WDR62: variants seen among roughly 807,000 people sequenced by gnomAD.
The protein encoded by WDR62 is WD repeat domain 62.
WDR62 carries 112 observed loss-of-function variants against 160.6 expected under a neutral mutation model. That is an observed-to-expected ratio of 0.70 (90% CI 0.60 to 0.82). The LOEUF (loss-of-function observed/expected upper bound fraction) is 0.82, where lower values mean the gene tolerates loss of function less well. WDR62 is among the 40% of genes least tolerant of loss of function. The pLI is 0.00. For missense variants in WDR62, 1,819 were observed against 1,983.8 expected (o/e 0.92, Z 1.58); for synonymous variants, 792 against 815.1 (o/e 0.97, Z 0.48).
chr19:36,105,233 CA>C, downstream of WDR62: 1 of 659,910 alleles, frequency 1.5e-6, no homozygotes. Flanking sequence ...CCAGCGCTCC[CA>C]AGAAGTTCAG....
At chr19:36,090,422 G>A (rs191624805) in intron 15 of WDR62, 23 bp from the exon 16 acceptor site, 21 of 1,612,550 alleles carry the variant, frequency 1.3e-5, no homozygotes, top group Non-Finnish European at 1.6e-5. Flanking sequence ...CCTGTTGGCC[G>A]CAACATGCCC....
chr19:36,096,895 C>T, intron 20 of WDR62, 132 bp from the exon 21 acceptor site: 1 of 813,186 alleles, frequency 1.2e-6, no homozygotes, highest in African/African-American at 1.7e-5. Context: ...TTTGCATTTC[C>T]CTAACCCCCG....
At chr19:36,063,625 C>T (rs1970784448) in intron 3 of WDR62, among the ~76,000 whole-genome samples, 1 of 152,232 alleles carries the variant, frequency 6.6e-6, no homozygotes, top group Non-Finnish European at 1.5e-5. Flanking sequence ...AATGCCTCCT[C>T]ACGGGCAGAC....
chr19:36,102,893 C>T (rs1973460594), intron 27 of WDR62, 42 bp downstream of exon 27: 1 of 1,614,180 alleles, frequency 6.2e-7, no homozygotes, highest in Non-Finnish European at 8.5e-7. Flanking sequence ...GGCTCCTCAA[C>T]AGTGCCCCAG....
intron 21 of WDR62, among the ~76,000 whole-genome samples, 178 bp from the exon 22 acceptor site, chr19:36,099,221 C>CAAAAAAAA (rs71167592): frequency 2.6e-5 from 2 of 76,318 alleles, no homozygotes; most frequent in African/African-American, 5.1e-5. Flanking sequence ...GACTTCGTCT[C>CAAAAAAAA]AAAAAAAAAA....
intron 20 of WDR62, among the ~76,000 whole-genome samples, chr19:36,094,767 C>T (rs1358071404): frequency 6.6e-6 from 1 of 151,846 alleles, no homozygotes; most frequent in Admixed American, 6.6e-5. Context: ...GGCATAGTGG[C>T]ACACATCTGT....
At chr19:36,097,952 C>T (rs1177002624) in intron 21 of WDR62, among the ~76,000 whole-genome samples, 1 of 152,060 alleles carries the variant, frequency 6.6e-6, no homozygotes, top group South Asian at 2.1e-4. Context: ...ACAGGAAAGG[C>T]CTCATTGGGA....
At chr19:36,110,956 C>T in the WDR62 span, among the ~76,000 whole-genome samples, 1 of 152,042 alleles carries the variant, frequency 6.6e-6, no homozygotes, top group Admixed American at 6.6e-5. Context: ...CTTGGTGGTC[C>T]TAGTGCTTGT....
At chr19:36,085,823 T>C (rs921435600) in intron 12 of WDR62, among the ~76,000 whole-genome samples, 1 of 152,148 alleles carries the variant, frequency 6.6e-6, no homozygotes, top group African/African-American at 2.4e-5. Context: ...CCAGATGATA[T>C]ATGGATGATA....
chr19:36,068,045 C>T, intron 7 of WDR62, 35 bp downstream of exon 7: 1 of 1,599,570 alleles, frequency 6.3e-7, no homozygotes, highest in Non-Finnish European at 8.5e-7. Flanking sequence ...GCTGGACAGA[C>T]TCTTTCTCGT....
At chr19:36,068,307 ATTTCT>A (rs1479523514) in intron 7 of WDR62, among the ~76,000 whole-genome samples, 1 of 152,054 alleles carries the variant, frequency 6.6e-6, no homozygotes, top group Non-Finnish European at 1.5e-5. Context: ...TCTACTTCAC[ATTTCT>A]TTTCTCCTTT....
intron 3 of WDR62, chr19:36,060,298 A>C: frequency 2.0e-6 from 1 of 507,422 alleles, no homozygotes; most frequent in East Asian, 3.3e-5. Flanking sequence ...GCTATGGAGG[A>C]AATGATGGAG....
At chr19:36,097,411 A>T (rs1457181908) in intron 21 of WDR62, among the ~76,000 whole-genome samples, 1 of 152,240 alleles carries the variant, frequency 6.6e-6, no homozygotes, top group African/African-American at 2.4e-5. Flanking sequence ...AGGGAAAAGA[A>T]TCAAGAAGGA....
chr19:36,065,895 A>G, intron 3 of WDR62, 63 bp from the exon 4 acceptor site: 1 of 1,544,114 alleles, frequency 6.5e-7, no homozygotes, highest in South Asian at 1.1e-5. Context: ...CAGAGTCGCC[A>G]GGATGGGGTC....
intron 3 of WDR62, among the ~76,000 whole-genome samples, chr19:36,065,495 T>C (rs1268791054): frequency 6.6e-6 from 1 of 152,206 alleles, no homozygotes; most frequent in Non-Finnish European, 1.5e-5. Flanking sequence ...TGGCTCTTTA[T>C]GGATTTTCCA....
At position 36,095,408 on chromosome 19, in the gene WDR62, G is replaced by A. The variant is rs569913245; in HGVS notation, c.2467+1244G>A. 6.7e-3 allele frequency among the ~76,000 whole-genome samples: 1,017 copies of A among 151,132 alleles called. 13 individuals carry two copies. The highest frequency in any genetic ancestry group is 0.024 in the African/African-American group (978 of 40,444). On this transcript the variant is annotated intron_variant, in intron 20 of 31. Coordinates refer to ENST00000401500, the MANE Select transcript of WDR62 (RefSeq NM_001083961.2). ...TGCTGTACCCACTTCTGAGCCAGTTGTTGTAGCTGTCCACATCTCAGCATG... is the reference window on the plus strand; with the variant it reads ...TGCTGTACCCACTTCTGAGCCAGTTATTGTAGCTGTCCACATCTCAGCATG...
At chr19:36,080,529 C>T (rs572708048) in intron 9 of WDR62, among the ~76,000 whole-genome samples, 3 of 151,850 alleles carry the variant, frequency 2.0e-5, no homozygotes, top group African/African-American at 7.3e-5. Flanking sequence ...CAGGTTCAAG[C>T]AATTCTGCTG....
At chr19:36,091,062 T>C (rs2145781613) in intron 16 of WDR62, 138 bp from the exon 17 acceptor site, 1 of 727,394 alleles carries the variant, frequency 1.4e-6, no homozygotes, top group South Asian at 1.5e-5. Flanking sequence ...TTTCTTCACG[T>C]GTCGAATGGG....
chr19:36,084,644 G>C lies in WDR62; in HGVS notation c.1551-9G>C. On this transcript the variant is annotated splice_polypyrimidine_tract_variant and intron_variant, in intron 11 of 31. Transcript: ENST00000401500. ...TGTGGGGCTTCAGCGGGCGGTGTGT[G>C]TCTCCCAGGATCCACGAGCTGCACT... 1 of 1,613,630 alleles carries C rather than the reference G, an allele frequency of 6.2e-7. No individual in the cohort carries two copies. The highest frequency in any genetic ancestry group is 1.3e-5 in the African/African-American group (1 of 75,014).
Sources: gnomAD v4.1 joint callset for allele counts (sites outside exome capture counted in the v4.1 genomes callset) on GRCh38, gnomAD v4.1.1 for gene constraint, MANE v1.5 for transcripts, NCBI Gene and HGNC (gene_info 2026-07-23, HGNC 2026-07-21) for gene names.